SYN3: variants seen among roughly 807,000 people sequenced by gnomAD.
SYN3 encodes the protein synapsin III.
SYN3 carries 35 observed loss-of-function variants against 65.8 expected under a neutral mutation model. The observed-to-expected ratio is 0.53, with a 90% CI of 0.41 to 0.70. SYN3 has a LOEUF of 0.70. Ranked by LOEUF, SYN3 falls within the 30% of genes least tolerant of loss-of-function variation. The pLI is 0.00. For synonymous variants in SYN3, 270 were observed against 292.9 expected (o/e 0.92, Z 0.80); for missense variants, 680 against 749.0 (o/e 0.91, Z 1.08).
intron 6 of SYN3, among the ~76,000 whole-genome samples, chr22:32,681,350 T>C (rs2060520081): frequency 6.6e-6 from 1 of 152,184 alleles, no homozygotes; most frequent in African/African-American, 2.4e-5. Context: ...TTTGAGGGTA[T>C]AGAGGAATGG....
At chr22:32,622,026 G>A (rs1002112644) in intron 6 of SYN3, among the ~76,000 whole-genome samples, 3 of 151,934 alleles carry the variant, frequency 2.0e-5, no homozygotes, top group African/African-American at 7.3e-5. Flanking sequence ...TCCCCTACAG[G>A]AAGGGTGGAG....
At chr22:33,049,517 A>G (rs2054125168) in intron 1 of SYN3, among the ~76,000 whole-genome samples, 1 of 152,234 alleles carries the variant, frequency 6.6e-6, no homozygotes, top group African/African-American at 2.4e-5. Context: ...GAAAAGGGTC[A>G]AGTATCTGCA....
rs150191113 is a variant in SYN3 at position 32,518,239 on chromosome 22, G to T, written c.1414C>A (p.Gln472Lys). ...CTTTGCTGCTGTGGAGATCCGGACT[G>T]GGGGCTCAGGGGCTGCTGGCCTTGT... ...SPQGQQPLSPQSGSPQQQRSP... is the reference protein window; with the variant it reads ...SPQGQQPLSPKSGSPQQQRSP... Residue 472 changes from glutamine to lysine, a missense_variant, in exon 13 of 14, where the codon CAG becomes AAG. Physicochemically the swap from Gln to Lys is moderately conservative, Grantham distance 53. Transcript: ENST00000358763. 9 of 1,613,582 alleles carry T rather than the reference G, an allele frequency of 5.6e-6. No individual in the cohort carries two copies. The highest frequency in any genetic ancestry group is 1.7e-6 in the Non-Finnish European group (2 of 1,179,862).
chr22:32,557,261 C>A (rs2058516604), intron 7 of SYN3, among the ~76,000 whole-genome samples: 1 of 151,952 alleles, frequency 6.6e-6, no homozygotes, highest in Non-Finnish European at 1.5e-5. Context: ...TAGAGGGTGA[C>A]CAACACCACA....
chr22:32,650,881 T>A (rs1225223454), intron 6 of SYN3, among the ~76,000 whole-genome samples: 1 of 152,224 alleles, frequency 6.6e-6, no homozygotes, highest in African/African-American at 2.4e-5. Flanking sequence ...CAAGTATTCT[T>A]ATGCTGATAT....
intron 7 of SYN3, among the ~76,000 whole-genome samples, chr22:32,568,784 C>G (rs1367397845): frequency 1.3e-5 from 2 of 152,178 alleles, no homozygotes; most frequent in African/African-American, 4.8e-5. Flanking sequence ...ACCTAGCTAG[C>G]TAGGTTGGTA....
chr22:32,594,112 AT>A (rs374199048), intron 7 of SYN3, among the ~76,000 whole-genome samples: 26 of 152,128 alleles, frequency 1.7e-4, no homozygotes, highest in African/African-American at 6.0e-4. Flanking sequence ...CTGGAGCCAT[AT>A]GCAAGGATGG....
intron 6 of SYN3, among the ~76,000 whole-genome samples, chr22:32,737,614 C>A (rs189679858): frequency 6.6e-6 from 1 of 152,260 alleles, no homozygotes; most frequent in Non-Finnish European, 1.5e-5. Context: ...TGGTTTCCAG[C>A]TTCATCCATG....
At chr22:32,831,438 T>C (rs1012623620) in intron 6 of SYN3, among the ~76,000 whole-genome samples, 5 of 152,140 alleles carry the variant, frequency 3.3e-5, no homozygotes, top group African/African-American at 9.7e-5. Context: ...CAAAGCCAGA[T>C]GATCAGGGCA....
intron 6 of SYN3, among the ~76,000 whole-genome samples, chr22:32,624,693 A>G (rs2059641438): frequency 6.6e-6 from 1 of 152,218 alleles, no homozygotes; most frequent in Admixed American, 6.5e-5. Context: ...GCTGGAAGGC[A>G]CTGCCATGTG....
chr22:32,728,321 C>T (rs1351060691), intron 6 of SYN3, among the ~76,000 whole-genome samples: 1 of 152,212 alleles, frequency 6.6e-6, no homozygotes, highest in Non-Finnish European at 1.5e-5. Flanking sequence ...CCTATTTCTC[C>T]AGCTTCATCT....
intron 6 of SYN3, among the ~76,000 whole-genome samples, chr22:32,856,901 A>T (rs2048384447): frequency 6.6e-6 from 1 of 152,198 alleles, no homozygotes; most frequent in Admixed American, 6.5e-5. Context: ...ATGAGTGAGA[A>T]CATGGTGTAT....
At chr22:32,568,507 G>T (rs894294702) in intron 7 of SYN3, among the ~76,000 whole-genome samples, 1 of 152,190 alleles carries the variant, frequency 6.6e-6, no homozygotes, top group Non-Finnish European at 1.5e-5. Flanking sequence ...GGACAGAAAC[G>T]TATTTCTTAC....
chr22:32,739,769 T>C (rs2061381529), intron 6 of SYN3, among the ~76,000 whole-genome samples: 1 of 152,220 alleles, frequency 6.6e-6, no homozygotes, highest in Non-Finnish European at 1.5e-5. Context: ...AACCATGTCA[T>C]TTGTTAAATA....
In SYN3 at chr22:32,931,388, A is replaced by C. The variant is rs1483830319; in HGVS notation, c.461+2T>G. ...GGTTCTGCATATTTTAATCCTACTT[A>C]CCTCACCACTTTGGTCCCATTTCTC... On this transcript the variant is annotated splice_donor_variant, in intron 4 of 13. Coordinates refer to ENST00000358763, the MANE Select transcript of SYN3 (RefSeq NM_003490.4). LOFTEE classifies it high-confidence loss of function. The C allele has an allele frequency of 6.2e-7, 1 of 1,604,374 alleles. No individual in the cohort carries two copies. The highest frequency in any genetic ancestry group is 2.2e-5 in the East Asian group (1 of 44,808).
chr22:32,989,748 A>G (rs1389773288), intron 2 of SYN3, among the ~76,000 whole-genome samples: 1 of 150,648 alleles, frequency 6.6e-6, no homozygotes, highest in Non-Finnish European at 1.5e-5. Flanking sequence ...GGCAGGAAAA[A>G]TGCATGAACC....
intron 6 of SYN3, among the ~76,000 whole-genome samples, chr22:32,626,305 C>A (rs2146783884): frequency 6.6e-6 from 1 of 152,264 alleles, no homozygotes; most frequent in South Asian, 2.1e-4. Flanking sequence ...CACTCAGAAG[C>A]TGAGACTTCT....
intron 6 of SYN3, among the ~76,000 whole-genome samples, chr22:32,677,399 A>T (rs1414138931): frequency 6.6e-6 from 1 of 152,214 alleles, no homozygotes; most frequent in African/African-American, 2.4e-5. Context: ...CAGTGTGCAT[A>T]CCATAAATCC....
chr22:32,750,102 G>A (rs1002810881), intron 6 of SYN3, among the ~76,000 whole-genome samples: 2 of 152,202 alleles, frequency 1.3e-5, no homozygotes, highest in Admixed American at 1.3e-4. Context: ...ACACGGTGGT[G>A]AATAAGATCG....
Sources: allele counts gnomAD v4.1 joint callset (sites outside exome capture counted in the v4.1 genomes callset), GRCh38; gene constraint gnomAD v4.1.1; transcripts MANE v1.5; gene names NCBI Gene and HGNC (gene_info 2026-07-23, HGNC 2026-07-21).